The following ITGB5 variants were observed in gnomAD, a reference collection of about 807,000 sequenced individuals.
The protein encoded by ITGB5 is integrin subunit beta 5, also known as integrin beta-5.
Under a neutral mutation model 84.8 loss-of-function variants are expected in ITGB5, and 38 were observed. The observed-to-expected ratio is 0.45, with a 90% CI of 0.35 to 0.59. ITGB5 has a LOEUF of 0.59. Among genes scored for constraint, ITGB5 ranks in the 20% least tolerant of loss-of-function variants. The probability of loss-of-function intolerance (pLI) is 0.01; values close to 1 mark genes in which losing one functional copy is unlikely to be tolerated. For synonymous variants in ITGB5, 393 were observed against 414.4 expected (o/e 0.95, Z 0.63); for missense variants, 905 against 1,034.5 (o/e 0.87, Z 1.72).
intron 1 of ITGB5, among the ~76,000 whole-genome samples, chr3:124,876,798 C>T (rs2107644766): frequency 6.6e-6 from 1 of 152,276 alleles, no homozygotes; most frequent in South Asian, 2.1e-4. Context: ...CTTGCCTGAC[C>T]TCACTTCAGC....
chr3:124,853,972 T>C (rs1409954978), intron 3 of ITGB5, among the ~76,000 whole-genome samples: 1 of 152,246 alleles, frequency 6.6e-6, no homozygotes, highest in Non-Finnish European at 1.5e-5. Context: ...GCTCAGTGTT[T>C]CAAAACCACC....
intron 1 of ITGB5, among the ~76,000 whole-genome samples, chr3:124,882,503 G>A (rs1934619777): frequency 6.6e-6 from 1 of 152,194 alleles, no homozygotes; most frequent in South Asian, 2.1e-4. Flanking sequence ...GAGAAGGGCT[G>A]CCATGGGAGC....
intron 1 of ITGB5, among the ~76,000 whole-genome samples, chr3:124,882,510 G>A (rs1934620157): frequency 2.6e-5 from 4 of 152,178 alleles, no homozygotes; most frequent in East Asian, 1.9e-4. Context: ...GCTGCCATGG[G>A]AGCATGGCTG....
At chr3:124,860,800 A>C (rs913692684) in intron 2 of ITGB5, among the ~76,000 whole-genome samples, 2 of 152,232 alleles carry the variant, frequency 1.3e-5, no homozygotes, top group African/African-American at 4.8e-5. Flanking sequence ...CTTTGTTAGA[A>C]GCCAGACTGC....
intron 1 of ITGB5, among the ~76,000 whole-genome samples, chr3:124,898,603 A>C (rs1191307768): frequency 1.5e-5 from 2 of 137,836 alleles, no homozygotes; most frequent in African/African-American, 2.7e-5. Flanking sequence ...AAGATTGTGC[A>C]ACTGCACTCC....
intron 11 of ITGB5, among the ~76,000 whole-genome samples, chr3:124,771,958 AAG>A (rs1329726326): frequency 6.6e-6 from 1 of 152,276 alleles, no homozygotes; most frequent in East Asian, 1.9e-4. Context: ...ATAGGAAGGC[AAG>A]ACTCATTTGA....
intron 1 of ITGB5, among the ~76,000 whole-genome samples, chr3:124,899,486 A>G (rs552563292): frequency 6.6e-6 from 1 of 152,240 alleles, no homozygotes; most frequent in African/African-American, 2.4e-5. Flanking sequence ...AGCTGATTAG[A>G]GAATGGAGAG....
upstream of ITGB5, chr3:124,887,933 T>TC: frequency 4.0e-6 from 1 of 251,002 alleles, no homozygotes; most frequent in South Asian, 3.8e-5. Flanking sequence ...TTTTTTTTTT[T>TC]TTTGAGACAG....
chr3:124,819,390 T>G (rs2064662265), intron 7 of ITGB5, among the ~76,000 whole-genome samples: 1 of 152,240 alleles, frequency 6.6e-6, no homozygotes, highest in Non-Finnish European at 1.5e-5. Context: ...TGACGTAGCC[T>G]GATGAGATGC....
intron 2 of ITGB5, among the ~76,000 whole-genome samples, chr3:124,867,852 G>T (rs2065415805): frequency 6.6e-6 from 1 of 152,162 alleles, no homozygotes; most frequent in Admixed American, 6.5e-5. Flanking sequence ...ATAAACTGCT[G>T]GGATTTGTTG....
intron 1 of ITGB5, among the ~76,000 whole-genome samples, chr3:124,894,250 A>G (rs1935057294): frequency 6.8e-6 from 1 of 146,306 alleles, no homozygotes; most frequent in African/African-American, 2.5e-5. Flanking sequence ...CTCCTACCTC[A>G]GCCTCCCACA....
chr3:124,871,557 G>A (rs1934054031), intron 2 of ITGB5, among the ~76,000 whole-genome samples: 1 of 152,174 alleles, frequency 6.6e-6, no homozygotes, highest in Non-Finnish European at 1.5e-5. Context: ...CGGGCATGGT[G>A]GCTCACATCT....
At chr3:124,769,955 G>A (rs1477382153) in intron 11 of ITGB5, 2 of 152,266 alleles carry the variant, frequency 1.3e-5, no homozygotes, top group Non-Finnish European at 2.9e-5. Flanking sequence ...GGCTCAGATA[G>A]TGGGTGAAAA....
intron 2 of ITGB5, among the ~76,000 whole-genome samples, chr3:124,870,803 A>G (rs6777056): frequency 6.9e-6 from 1 of 145,258 alleles, no homozygotes. Context: ...ATAAATAGAC[A>G]GATGGATGGA....
At chr3:124,842,569 G>A (rs972773590) in intron 4 of ITGB5, among the ~76,000 whole-genome samples, 2 of 152,238 alleles carry the variant, frequency 1.3e-5, no homozygotes, top group South Asian at 4.1e-4. Context: ...GTGGTGCAGA[G>A]TAACGGGTGA....
In ITGB5 at chr3:124,886,993, C is replaced by T; in HGVS notation, c.8G>A (p.Arg3Gln). 1 of 1,190,438 alleles carries T rather than the reference C, an allele frequency of 8.4e-7. No individual in the cohort carries two copies. Among genetic ancestry groups the T allele is most frequent in the Non-Finnish European group, 1.0e-6 (1 of 961,808 alleles). The allele number at this position is 1,190,438 out of a possible 1,614,324, so 73.7% of individuals were successfully genotyped here. MP[R>Q]APAPLYACLL... ...GCAGGCGTACAGCGGCGCCGGGGCC[C>T]GCGGCATGGTGGGGCGCCTCCCTCA... is the stretch of plus-strand genomic sequence containing the variant. Residue 3 changes from arginine to glutamine, a missense_variant, in exon 1 of 15, where the codon CGG (arginine) becomes CAG (glutamine). Arg to Gln is a conservative substitution (Grantham distance 43). Coordinates refer to ENST00000296181, the MANE Select transcript of ITGB5 (RefSeq NM_002213.5).
chr3:124,897,634 A>C (rs1470928857), intron 1 of ITGB5, among the ~76,000 whole-genome samples: 3 of 152,242 alleles, frequency 2.0e-5, no homozygotes, highest in Admixed American at 2.0e-4. Context: ...CCTAGGCAAC[A>C]TAGCAAGACC....
chr3:124,770,407 G>A (rs2063825020), intron 11 of ITGB5, among the ~76,000 whole-genome samples: 1 of 152,122 alleles, frequency 6.6e-6, no homozygotes, highest in African/African-American at 2.4e-5. Flanking sequence ...ACAGGCCTGT[G>A]GGGACCAAAG....
chr3:124,857,584 C>A (rs2065236959), intron 3 of ITGB5, among the ~76,000 whole-genome samples: 1 of 152,084 alleles, frequency 6.6e-6, no homozygotes, highest in East Asian at 1.9e-4. Context: ...TTTCCTAGAC[C>A]ATGGGATAGA....
Sources: gnomAD v4.1 joint callset for allele counts (sites outside exome capture counted in the v4.1 genomes callset) on GRCh38, gnomAD v4.1.1 for gene constraint, MANE v1.5 for transcripts, NCBI Gene and HGNC (gene_info 2026-07-23, HGNC 2026-07-21) for gene names.